DLEU7: variants seen among roughly 807,000 people sequenced by gnomAD.
The protein encoded by DLEU7 is leukemia-associated protein 7.
A neutral mutation model predicts 16.0 loss-of-function variants in DLEU7; 17 were observed. The observed-to-expected ratio is 1.06, with a 90% CI of 0.73 to 1.59. The LOEUF (loss-of-function observed/expected upper bound fraction) is 1.59. DLEU7 is among the 40% of genes most tolerant of loss of function. DLEU7 has a pLI of 0.00. For missense variants in DLEU7, 308 were observed against 314.9 expected, an observed-to-expected ratio of 0.98 and a Z score of 0.17; for synonymous variants, 113 against 139.8, an observed-to-expected ratio of 0.81 and a Z score of 1.35.
chr13:50,835,482 T>C (rs1039101075), intron 1 of DLEU7, among the ~76,000 whole-genome samples: 5 of 152,370 alleles, frequency 3.3e-5, no homozygotes, highest in African/African-American at 1.2e-4. Flanking sequence ...CTGAGTGTTA[T>C]GAGTGGTACG....
intron 1 of DLEU7, among the ~76,000 whole-genome samples, chr13:50,804,383 C>G (rs1199554599): frequency 6.6e-6 from 1 of 150,970 alleles, no homozygotes; most frequent in South Asian, 2.1e-4. Flanking sequence ...TCTTTTGTGT[C>G]CACAAGAGAC....
At chr13:50,778,831 T>G (rs530439780) in intron 1 of DLEU7, among the ~76,000 whole-genome samples, 1 of 152,240 alleles carries the variant, frequency 6.6e-6, no homozygotes, top group African/African-American at 2.4e-5. Flanking sequence ...TAAAGAAATC[T>G]TAAATAATGG....
At chr13:50,727,214 C>CGTGTGTGTGTGT (rs3990136) in intron 1 of DLEU7, among the ~76,000 whole-genome samples, 1 of 150,078 alleles carries the variant, frequency 6.7e-6, no homozygotes, top group African/African-American at 2.4e-5. Flanking sequence ...CTCTTGCATA[C>CGTGTGTGTGTGT]GTGTGTGTGT....
intron 1 of DLEU7, among the ~76,000 whole-genome samples, chr13:50,728,522 C>G (rs1277800001): frequency 6.6e-6 from 1 of 152,100 alleles, no homozygotes; most frequent in African/African-American, 2.4e-5. Context: ...GTATGCTACA[C>G]TCCCCAAAAG....
chr13:50,820,298 C>CA (rs201134247), downstream of DLEU7, among the ~76,000 whole-genome samples: 3,432 of 143,018 alleles, frequency 0.024, 71 homozygotes, highest in African/African-American at 0.058. Context: ...TTAAGAGGAG[C>CA]AAAAAAAAAC....
chr13:50,790,494 C>CCGCA (rs1875925165), intron 1 of DLEU7, among the ~76,000 whole-genome samples: 8 of 152,098 alleles, frequency 5.3e-5, no homozygotes, highest in African/African-American at 7.2e-5. Context: ...GCTGCTTTTT[C>CCGCA]ATGTTATCTT....
chr13:50,771,540 G>A (rs57425199), intron 1 of DLEU7, among the ~76,000 whole-genome samples: 2,568 of 152,302 alleles, frequency 0.017, 77 homozygotes, highest in African/African-American at 0.058. Context: ...TCATTCAGGA[G>A]CAGGTTGTTC....
At chr13:50,764,234 A>G (rs1168815418) in intron 1 of DLEU7, among the ~76,000 whole-genome samples, 8 of 152,246 alleles carry the variant, frequency 5.3e-5, no homozygotes, top group Non-Finnish European at 1.2e-4. Flanking sequence ...GAGTTAACAC[A>G]TTACAAGTTG....
At chr13:50,811,268 AG>A (rs1876556170) in intron 1 of DLEU7, among the ~76,000 whole-genome samples, 1 of 152,180 alleles carries the variant, frequency 6.6e-6, no homozygotes, top group Non-Finnish European at 1.5e-5. Flanking sequence ...AGAAACTGAA[AG>A]TTAAGAACCG....
At chr13:50,750,577 T>C (rs1874533109) in intron 1 of DLEU7, among the ~76,000 whole-genome samples, 1 of 152,212 alleles carries the variant, frequency 6.6e-6, no homozygotes, top group Admixed American at 6.5e-5. Flanking sequence ...GCATGGGATG[T>C]GTTCTCATTT....
chr13:50,726,763 G>A lies in DLEU7; in HGVS notation c.460-13523C>T, dbSNP rs1007602335. Reference sequence around the variant, plus strand: ...GGTGGCAGTTTCTAATTAGGGCTGTGACCTTGACCATGCCCCCTACCTTCC... The same window carrying A: ...GGTGGCAGTTTCTAATTAGGGCTGTAACCTTGACCATGCCCCCTACCTTCC... On this transcript the variant is annotated intron_variant, in intron 1 of 1. Transcript: ENST00000400393. This position sits in a 1 kb window ranked among gnomAD's most constrained non-coding sequence, Gnocchi z 4.0. 2.0e-5 allele frequency among the ~76,000 whole-genome samples: 3 copies of A among 152,066 alleles called. No homozygotes were observed. The highest frequency in any genetic ancestry group is 7.2e-5 in the African/African-American group (3 of 41,406).
At chr13:50,803,726 A>G (rs540821817) in intron 1 of DLEU7, among the ~76,000 whole-genome samples, 3 of 152,138 alleles carry the variant, frequency 2.0e-5, no homozygotes, top group Non-Finnish European at 4.4e-5. Flanking sequence ...TTTAAAAAAC[A>G]GACTTCTTTT....
chr13:50,841,116 G>C (rs1301567526), intron 1 of DLEU7, among the ~76,000 whole-genome samples: 1 of 152,132 alleles, frequency 6.6e-6, no homozygotes, highest in Non-Finnish European at 1.5e-5. Flanking sequence ...GCTGTCTTCT[G>C]ACCTGACTTT....
At chr13:50,733,979 C>T (rs376492789) in intron 1 of DLEU7, among the ~76,000 whole-genome samples, 40 of 152,268 alleles carry the variant, frequency 2.6e-4, no homozygotes, top group African/African-American at 7.0e-4. Context: ...GCTGTATTAC[C>T]GCACTCTCTG....
chr13:50,835,700 C>A (rs533109149), intron 1 of DLEU7, among the ~76,000 whole-genome samples: 6 of 152,222 alleles, frequency 3.9e-5, no homozygotes, highest in Non-Finnish European at 7.3e-5. Flanking sequence ...CTCTCCTACC[C>A]ACTGTGAGGG....
intron 1 of DLEU7, among the ~76,000 whole-genome samples, chr13:50,775,816 T>C (rs903375577): frequency 7.9e-5 from 12 of 152,260 alleles, no homozygotes; most frequent in African/African-American, 2.9e-4. Flanking sequence ...CAGGAAAGTA[T>C]TCAAATTTTC....
At chr13:50,843,723 A>C, upstream of DLEU7, 1 of 1,463,770 alleles carries the variant, frequency 6.8e-7, no homozygotes, top group Non-Finnish European at 8.9e-7. The surrounding 1 kb of genome is among the most constrained non-coding windows in gnomAD (Gnocchi z 5.7). Context: ...TGGGGTCGCC[A>C]AGGTCACATT....
At chr13:50,804,479 C>G (rs1413508226) in intron 1 of DLEU7, among the ~76,000 whole-genome samples, 1 of 151,544 alleles carries the variant, frequency 6.6e-6, no homozygotes, top group East Asian at 1.9e-4. Flanking sequence ...CTCTGTCACC[C>G]AGGCTGGAGT....
intron 1 of DLEU7, among the ~76,000 whole-genome samples, chr13:50,733,362 T>C (rs1873974875): frequency 6.6e-6 from 1 of 152,238 alleles, no homozygotes; most frequent in Non-Finnish European, 1.5e-5. Context: ...GAATTGAATG[T>C]CCTGCACCTA....
Sources: gnomAD v4.1 joint callset for allele counts (sites outside exome capture counted in the v4.1 genomes callset) on GRCh38, gnomAD v4.1.1 for gene constraint, Gnocchi (gnomAD v3.1) non-coding constraint, MANE v1.5 for transcripts, NCBI Gene and HGNC (gene_info 2026-07-23, HGNC 2026-07-21) for gene names.